EDN1: variants seen among roughly 807,000 people sequenced by gnomAD.
EDN1 encodes the protein endothelin-1.
Under a neutral mutation model 21.7 loss-of-function variants are expected in EDN1, and 11 were observed. That is an observed-to-expected ratio of 0.51 (90% confidence interval 0.32 to 0.84). The LOEUF is 0.84. Ranked by LOEUF, EDN1 falls within the 40% of genes least tolerant of loss-of-function variation. The pLI, the probability that EDN1 is intolerant of heterozygous loss-of-function variation, is 0.03. For missense variants in EDN1, 244 were observed against 262.3 expected (o/e 0.93, Z 0.48); for synonymous variants, 85 against 90.6 (o/e 0.94, Z 0.35).
chr6:12,265,825 A>G, the EDN1 span, among the ~76,000 whole-genome samples: 1 of 152,190 alleles, frequency 6.6e-6, no homozygotes, highest in African/African-American at 2.4e-5. Context: ...AGAGGAGAAA[A>G]TAAATTTGGA....
At chr6:12,292,994 G>A (rs1292408840) in intron 2 of EDN1, among the ~76,000 whole-genome samples, 1 of 152,228 alleles carries the variant, frequency 6.6e-6, no homozygotes, top group Non-Finnish European at 1.5e-5. Flanking sequence ...GCAGGAGTGA[G>A]TTTGTAGCAG....
Position 12,292,309 on chromosome 6 carries a change from A to T in EDN1, c.65-32A>T, listed in dbSNP as rs748994889. 3 of 1,612,346 alleles carry T rather than the reference A, an allele frequency of 1.9e-6. No individual in the cohort carries two copies. The East Asian group carries it at 6.7e-5, about 36-fold the overall frequency. On this transcript the variant is annotated intron_variant, in intron 1 of 4. Coordinates refer to ENST00000379375, the MANE Select transcript of EDN1 (RefSeq NM_001955.5). ...CATGTCTCTCGGCGTTTGAGGAGAC[A>T]TCCCCCACTGACCTGCTCTTTCTCT...
the EDN1 span, among the ~76,000 whole-genome samples, chr6:12,248,717 C>G: frequency 6.6e-6 from 1 of 152,154 alleles, no homozygotes; most frequent in South Asian, 2.1e-4. Flanking sequence ...GGACTTTTTG[C>G]AAACCATGTG....
the EDN1 span, among the ~76,000 whole-genome samples, chr6:12,278,880 G>T: frequency 6.6e-6 from 1 of 152,172 alleles, no homozygotes; most frequent in Non-Finnish European, 1.5e-5. Flanking sequence ...CTGGGTGACA[G>T]AGCGAGATTC....
the EDN1 span, among the ~76,000 whole-genome samples, chr6:12,246,274 C>T: frequency 4.0e-4 from 61 of 152,182 alleles, no homozygotes; most frequent in Non-Finnish European, 6.9e-4. Context: ...TGAGAGGCTT[C>T]CTTCCACAGC....
chr6:12,248,122 C>A, the EDN1 span, among the ~76,000 whole-genome samples: 2 of 151,902 alleles, frequency 1.3e-5, no homozygotes, highest in Admixed American at 1.3e-4. Flanking sequence ...AACAGTAAAG[C>A]TAGAAACAAC....
At chr6:12,283,166 C>T in the EDN1 span, among the ~76,000 whole-genome samples, 1 of 152,058 alleles carries the variant, frequency 6.6e-6, no homozygotes, top group Non-Finnish European at 1.5e-5. Context: ...AACAAATGCC[C>T]GTTTAAAAAG....
the EDN1 span, among the ~76,000 whole-genome samples, chr6:12,277,899 A>T: frequency 6.6e-6 from 1 of 152,258 alleles, no homozygotes; most frequent in Admixed American, 6.5e-5. Context: ...ATGGCTCCAG[A>T]ACCCCTTTGG....
chr6:12,273,221 G>T, the EDN1 span, among the ~76,000 whole-genome samples: 2 of 152,196 alleles, frequency 1.3e-5, no homozygotes, highest in African/African-American at 2.4e-5. Flanking sequence ...GAGAGTGGGG[G>T]CTAGGCCAGC....
At chr6:12,283,410 G>C in the EDN1 span, among the ~76,000 whole-genome samples, 2 of 152,116 alleles carry the variant, frequency 1.3e-5, no homozygotes, top group African/African-American at 4.8e-5. Flanking sequence ...AAACGCTGTA[G>C]GGAATTTTTT....
At chr6:12,262,986 G>A in the EDN1 span, among the ~76,000 whole-genome samples, 1 of 152,102 alleles carries the variant, frequency 6.6e-6, no homozygotes, top group Non-Finnish European at 1.5e-5. Flanking sequence ...TGTTGTGGAA[G>A]CTGAGTGTTT....
chr6:12,275,223 G>A, the EDN1 span, among the ~76,000 whole-genome samples: 5 of 152,164 alleles, frequency 3.3e-5, no homozygotes, highest in East Asian at 1.9e-4. Flanking sequence ...TCAGTTGGCC[G>A]CTTGGGGCTC....
At chr6:12,282,436 C>A in the EDN1 span, among the ~76,000 whole-genome samples, 1 of 152,190 alleles carries the variant, frequency 6.6e-6, no homozygotes, top group East Asian at 1.9e-4. Flanking sequence ...GAGATCCTTT[C>A]CACTTTGTAG....
the EDN1 span, among the ~76,000 whole-genome samples, chr6:12,238,065 G>A: frequency 2.0e-5 from 3 of 151,710 alleles, no homozygotes; most frequent in Admixed American, 6.6e-5. Flanking sequence ...CCAGCTACTC[G>A]GGAGGCTGAG....
chr6:12,234,979 T>C, the EDN1 span, among the ~76,000 whole-genome samples: 1 of 152,218 alleles, frequency 6.6e-6, no homozygotes, highest in Non-Finnish European at 1.5e-5. Context: ...AATTCAGTTA[T>C]TCTTTAAAAG....
At chr6:12,284,644 AAAAG>A in the EDN1 span, among the ~76,000 whole-genome samples, 1 of 151,118 alleles carries the variant, frequency 6.6e-6, no homozygotes, top group Non-Finnish European at 1.5e-5. Flanking sequence ...GAAAGAAAGA[AAAAG>A]AAAGGGAGAA....
chr6:12,240,247 G>T, the EDN1 span, among the ~76,000 whole-genome samples: 25 of 152,306 alleles, frequency 1.6e-4, no homozygotes, highest in African/African-American at 5.1e-4. Context: ...AGAAAGGCGC[G>T]CACTTGGGAG....
chr6:12,292,429 G>C lies in EDN1; in HGVS notation c.153G>C (p.Lys51Asn). 1 of 1,614,244 alleles carries C rather than the reference G, an allele frequency of 6.2e-7. No individual in the cohort carries two copies. The highest frequency in any genetic ancestry group is 8.5e-7 in the Non-Finnish European group (1 of 1,180,042). ...PSPPWRLRRS[K>N]RCSCSSLMDK... is the part of the protein sequence containing the mutation. ...CACCCTGGCGGCTCCGCCGGTCCAA[G>C]CGCTGCTCCTGCTCGTCCCTGATGG... Residue 51 changes from lysine (K) to asparagine (N), a missense_variant, in exon 2 of 5, where the codon AAG becomes AAC. By Grantham distance (94) the Lys-to-Asn change is moderately conservative. Transcript: ENST00000379375.
the EDN1 span, among the ~76,000 whole-genome samples, chr6:12,237,524 A>G: frequency 6.6e-6 from 1 of 152,132 alleles, no homozygotes; most frequent in African/African-American, 2.4e-5. Context: ...GTGTTTTAGA[A>G]TTTGTGAGGG....
Sources: allele counts gnomAD v4.1 joint callset (sites outside exome capture counted in the v4.1 genomes callset), GRCh38; gene constraint gnomAD v4.1.1; transcripts MANE v1.5; gene names NCBI Gene and HGNC (gene_info 2026-07-23, HGNC 2026-07-21).